The following CLYBL variants were observed in gnomAD, a reference collection of about 807,000 sequenced individuals.
CLYBL encodes citramalyl-CoA lyase, mitochondrial.
A neutral mutation model predicts 38.9 loss-of-function variants in CLYBL; 31 were observed. The ratio of observed to expected loss-of-function variants is 0.80; its 90% confidence interval spans 0.60 to 1.08. The LOEUF (loss-of-function observed/expected upper bound fraction) is 1.08, where lower values mean the gene tolerates loss of function less well. CLYBL is among the 50% of genes least tolerant of loss of function. The probability of loss-of-function intolerance (pLI) is 0.00; values close to 1 mark genes in which losing one functional copy is unlikely to be tolerated. For synonymous variants in CLYBL, 171 were observed against 158.6 expected (o/e 1.08, Z -0.59); for missense variants, 434 against 411.6 (o/e 1.05, Z -0.47).
chr13:99,694,772 C>G (rs1258332950), intron 1 of CLYBL, among the ~76,000 whole-genome samples: 1 of 152,234 alleles, frequency 6.6e-6, no homozygotes, highest in African/African-American at 2.4e-5. Context: ...CGCATGTGCC[C>G]TGGACATCGG....
rs556858805 is a variant in CLYBL at position 99,764,152 on chromosome 13, A to G, written c.63-8672A>G. On this transcript the variant is annotated intron_variant, in intron 1 of 8. Transcript: ENST00000339105. ...CAGCTCACTGCAGCCTTGATCTGCT[A>G]GGCTCAAGGGATTCTCTGCCTCAGC... Among the ~76,000 whole-genome samples the G allele has an allele frequency of 2.6e-5, 4 of 152,136 alleles. No individual in the cohort carries two copies. In the East Asian group the frequency reaches 7.7e-4, roughly 29 times the overall value.
chr13:99,738,321 A>G (rs747476912), intron 1 of CLYBL, among the ~76,000 whole-genome samples: 3 of 152,196 alleles, frequency 2.0e-5, no homozygotes, highest in Non-Finnish European at 4.4e-5. Flanking sequence ...GGTTCATTTT[A>G]TGTTTAGCTG....
chr13:99,799,525 G>A (rs772327955), intron 2 of CLYBL, among the ~76,000 whole-genome samples: 6 of 152,130 alleles, frequency 3.9e-5, no homozygotes, highest in Non-Finnish European at 8.8e-5. Context: ...TCATTTGCAC[G>A]GGTATCATCT....
At chr13:99,827,838 T>C (rs984308207) in intron 2 of CLYBL, among the ~76,000 whole-genome samples, 1 of 152,224 alleles carries the variant, frequency 6.6e-6, no homozygotes, top group African/African-American at 2.4e-5. Context: ...CATGCTAGCG[T>C]GCCTACCCGC....
intron 1 of CLYBL, among the ~76,000 whole-genome samples, chr13:99,742,746 T>G (rs758520579): frequency 2.6e-5 from 4 of 152,218 alleles, no homozygotes; most frequent in Non-Finnish European, 5.9e-5. Context: ...AAGCCTTTAT[T>G]TTTATATTAT....
At chr13:99,821,603 T>A (rs1243056528) in intron 2 of CLYBL, among the ~76,000 whole-genome samples, 1 of 152,236 alleles carries the variant, frequency 6.6e-6, no homozygotes, top group Non-Finnish European at 1.5e-5. Context: ...TCTCCCCAGC[T>A]CTCACAGGTC....
intron 1 of CLYBL, among the ~76,000 whole-genome samples, chr13:99,742,386 G>C (rs1190431956): frequency 6.6e-6 from 1 of 152,168 alleles, no homozygotes; most frequent in African/African-American, 2.4e-5. Flanking sequence ...TACACATGTT[G>C]TTATTTTAAC....
chr13:99,742,727 A>G (rs1476996262), intron 1 of CLYBL, among the ~76,000 whole-genome samples: 1 of 152,216 alleles, frequency 6.6e-6, no homozygotes, highest in Non-Finnish European at 1.5e-5. Flanking sequence ...ATAAGTTTGA[A>G]TTTTCGGAAA....
intron 1 of CLYBL, among the ~76,000 whole-genome samples, chr13:99,770,080 CTT>C (rs3033589): frequency 2.0e-4 from 21 of 103,182 alleles, no homozygotes; most frequent in Admixed American, 9.0e-4. Flanking sequence ...TCTTTTCTTT[CTT>C]TTTTTTTTTT....
intron 1 of CLYBL, among the ~76,000 whole-genome samples, chr13:99,648,882 A>T (rs539685076): frequency 6.6e-6 from 1 of 152,254 alleles, no homozygotes; most frequent in East Asian, 1.9e-4. Flanking sequence ...CTTTGAAATG[A>T]ATATTTTATG....
At chr13:99,853,330 A>C (rs568849075) in intron 2 of CLYBL, among the ~76,000 whole-genome samples, 1 of 152,152 alleles carries the variant, frequency 6.6e-6, no homozygotes, top group African/African-American at 2.4e-5. Context: ...AAGCCAATTT[A>C]GCATTTCACT....
chr13:99,617,966 C>G (rs1169635594), intron 1 of CLYBL, among the ~76,000 whole-genome samples: 3 of 152,214 alleles, frequency 2.0e-5, no homozygotes, highest in Non-Finnish European at 4.4e-5. Context: ...CTCTGCACTA[C>G]CCTGTCCCCT....
At chr13:99,629,064 A>T (rs1028899385) in intron 1 of CLYBL, among the ~76,000 whole-genome samples, 1 of 152,182 alleles carries the variant, frequency 6.6e-6, no homozygotes, top group East Asian at 1.9e-4. Context: ...CTGCTGGGGC[A>T]GGCGTGTGTG....
chr13:99,896,168 C>T (rs2052575719), downstream of CLYBL: 1 of 151,602 alleles, frequency 6.6e-6, no homozygotes, highest in Non-Finnish European at 1.5e-5. Context: ...GCTCGCCCGC[C>T]CGCCGCGGGC....
intron 2 of CLYBL, among the ~76,000 whole-genome samples, chr13:99,781,155 A>ATTAT (rs1555305658): frequency 1.6e-4 from 23 of 147,928 alleles, no homozygotes; most frequent in South Asian, 4.2e-4. Flanking sequence ...TAAATTTTTT[A>ATTAT]TTATTTATTT....
chr13:99,769,461 A>C (rs947760295), intron 1 of CLYBL, among the ~76,000 whole-genome samples: 1 of 152,238 alleles, frequency 6.6e-6, no homozygotes, highest in Non-Finnish European at 1.5e-5. Flanking sequence ...CCTGATGAGC[A>C]GAGAATTTGC....
intron 2 of CLYBL, among the ~76,000 whole-genome samples, chr13:99,825,626 T>C (rs758403144): frequency 3.9e-5 from 6 of 152,200 alleles, no homozygotes; most frequent in Non-Finnish European, 5.9e-5. Context: ...CCATGACTTG[T>C]TGGCTCAGTA....
chr13:99,606,723 G>T lies in CLYBL; in HGVS notation c.28G>T (p.Ala10Ser), dbSNP rs2046527151. The change falls in exon 1 of 9, where the codon GCG becomes TCG. Residue 10 changes from alanine to serine, a missense_variant. Ala to Ser is a moderately conservative substitution (Grantham distance 99). Coordinates refer to ENST00000339105, the MANE Select transcript of CLYBL (RefSeq NM_206808.5). ...GGCGCTACGTCTGCTGCGGAGGGCG[G>T]CGCGCGGAGCTGCGGCGGCGGCGCT... is the stretch of plus-strand genomic sequence containing the variant. The part of the protein sequence containing the change: MALRLLRRA[A>S]RGAAAAALLR... The T allele has an allele frequency of 6.7e-7, 1 of 1,491,486 alleles. No individual in the cohort carries two copies. Among genetic ancestry groups the T allele is most frequent in the Non-Finnish European group, 8.9e-7 (1 of 1,127,068 alleles). 92.4% of individuals were successfully genotyped at this position (1,491,486 alleles called of 1,614,324 possible). A position where few individuals can be genotyped will look rare whatever the true frequency, so the allele number is the denominator to read the frequency against.
chr13:99,657,943 T>C (rs570776037), intron 1 of CLYBL, among the ~76,000 whole-genome samples: 1 of 152,194 alleles, frequency 6.6e-6, no homozygotes, highest in South Asian at 2.1e-4. Context: ...TGAGTCTCCA[T>C]GTTTCCTCGC....
Sources: allele counts gnomAD v4.1 joint callset (sites outside exome capture counted in the v4.1 genomes callset), GRCh38; gene constraint gnomAD v4.1.1; transcripts MANE v1.5; gene names NCBI Gene and HGNC (gene_info 2026-07-23, HGNC 2026-07-21).